SYCE2: variants seen among roughly 807,000 people sequenced by gnomAD.
The protein encoded by SYCE2 is central element synaptonemal complex 1.
Under a neutral mutation model 27.9 loss-of-function variants are expected in SYCE2, and 3 were observed. The ratio of observed to expected loss-of-function variants is 0.11; its 90% CI spans 0.05 to 0.28. The LOEUF (loss-of-function observed/expected upper bound fraction) is 0.28, where lower values mean the gene tolerates loss of function less well. Ranked by LOEUF, SYCE2 falls within the 10% of genes least tolerant of loss-of-function variation. The probability of loss-of-function intolerance (pLI) is 1.00; values close to 1 mark genes in which losing one functional copy is unlikely to be tolerated. For missense variants in SYCE2, 207 were observed against 263.5 expected (o/e 0.79, Z 1.48); for synonymous variants, 85 against 100.7 (o/e 0.84, Z 0.93).
At chr19:12,904,703 C>A in intron 2 of SYCE2, 37 bp from the exon 3 acceptor site, 1 of 1,610,702 alleles carries the variant, frequency 6.2e-7, no homozygotes, top group South Asian at 1.1e-5. Context: ...AACCTGACTT[C>A]TCAGAGTACA....
intron 2 of SYCE2, 146 bp downstream of exon 2, chr19:12,918,076 C>CAT: frequency 1.5e-6 from 1 of 651,662 alleles, no homozygotes; most frequent in Non-Finnish European, 2.7e-6. Flanking sequence ...GAGCCGTGAT[C>CAT]ATGCCACTGC....
At chr19:12,902,312 A>G (rs192706678) in intron 3 of SYCE2, among the ~76,000 whole-genome samples, 5 of 152,334 alleles carry the variant, frequency 3.3e-5, no homozygotes, top group Admixed American at 2.0e-4. Context: ...TACACAGAAT[A>G]GAAGAGGCAT....
At chr19:12,918,393 G>T in intron 1 of SYCE2, 56 bp from the exon 2 acceptor site, 3 of 1,508,364 alleles carry the variant, frequency 2.0e-6, no homozygotes, top group Non-Finnish European at 2.8e-6. Flanking sequence ...TGAACAGATC[G>T]CCCTCCTGCC....
intron 4 of SYCE2, 166 bp from the exon 5 acceptor site, chr19:12,900,286 C>A: frequency 9.4e-7 from 1 of 1,067,858 alleles, no homozygotes; most frequent in Non-Finnish European, 1.3e-6. Flanking sequence ...TCAGCTCAGA[C>A]ACACCATGTT....
In SYCE2 at chr19:12,900,168, G is replaced by A. The variant is rs762365262; in HGVS notation, c.496-48C>T. On this transcript the variant is annotated intron_variant, in intron 4 of 5. Transcript: ENST00000293695. ...AGCAGTGCCGGTCTGTGCCAGGGCT[G>A]TGGGCAGAGGGGATGATTTCTGAGT... is the stretch of plus-strand genomic sequence containing the variant. The A allele has an allele frequency of 3.8e-6, 6 of 1,564,350 alleles. No individual in the cohort carries two copies. In the South Asian group the frequency reaches 7.1e-5, roughly 18 times the overall value.
At chr19:12,911,357 A>G (rs937969526) in intron 2 of SYCE2, among the ~76,000 whole-genome samples, 1 of 152,194 alleles carries the variant, frequency 6.6e-6, no homozygotes, top group African/African-American at 2.4e-5. Context: ...GATCAAGTCT[A>G]AATTCCTTCA....
chr19:12,917,396 C>T (rs1166585226), intron 2 of SYCE2, among the ~76,000 whole-genome samples: 1 of 151,944 alleles, frequency 6.6e-6, no homozygotes, highest in Admixed American at 6.6e-5. Context: ...CGGAGTCTCA[C>T]TCTGTCACCA....
At chr19:12,902,318 G>A (rs1016231123) in intron 3 of SYCE2, among the ~76,000 whole-genome samples, 7 of 151,908 alleles carry the variant, frequency 4.6e-5, no homozygotes, top group African/African-American at 1.7e-4. Context: ...GAATAGAAGA[G>A]GCATCCAACA....
rs1257468169 is a variant in SYCE2 at position 12,918,315 on chromosome 19, C to T, written c.38G>A (p.Cys13Tyr). The T allele has an allele frequency of 1.9e-6, 3 of 1,614,026 alleles. No homozygotes were observed. The highest frequency in any genetic ancestry group is 2.5e-6 in the Non-Finnish European group (3 of 1,180,020). ...CAAGGGCTGCGGTTCCTGGTCTTTG[C>T]ATTTCACATGGGGCACGTCCACCTG... ...RQGVDVPHVK[C>Y]KDQEPQPLGE... The change falls in exon 2 of 6, where the codon TGC (cysteine) becomes TAC (tyrosine). Residue 13 changes from cysteine to tyrosine, a missense_variant. Transcript: ENST00000293695.
At chr19:12,917,955 G>A (rs1031743627) in intron 2 of SYCE2, among the ~76,000 whole-genome samples, 3 of 152,050 alleles carry the variant, frequency 2.0e-5, no homozygotes, top group African/African-American at 7.2e-5. Context: ...CACTGCACCT[G>A]GCCAATATTT....
intron 2 of SYCE2, among the ~76,000 whole-genome samples, chr19:12,915,839 C>T (rs1038445419): frequency 6.6e-6 from 1 of 152,074 alleles, no homozygotes; most frequent in African/African-American, 2.4e-5. Context: ...TTCTCTCAAC[C>T]CCTCCTTCCC....
chr19:12,913,149 T>TGG (rs1971077397), intron 2 of SYCE2, among the ~76,000 whole-genome samples: 1 of 152,196 alleles, frequency 6.6e-6, no homozygotes, highest in African/African-American at 2.4e-5. Context: ...GGCAGCGGGC[T>TGG]GGGGGCTGTG....
Position 12,919,287 on chromosome 19 carries a change from C to G in SYCE2, c.-30G>C. 6.2e-7 allele frequency: 1 copy of G among 1,608,648 alleles called. No individual in the cohort carries two copies. The highest frequency in any genetic ancestry group is 2.2e-5 in the East Asian group (1 of 44,876). On this transcript the variant is annotated 5_prime_UTR_variant, in exon 1 of 6. Transcript: ENST00000293695. ...TATTTTCCCGCCTTCAAGCTCGCAC[C>G]CTCTGCGCATGCGCCGACCCCGCCC... is the stretch of plus-strand genomic sequence containing the variant.
chr19:12,907,216 C>G (rs1970950387), intron 2 of SYCE2, among the ~76,000 whole-genome samples: 1 of 152,180 alleles, frequency 6.6e-6, no homozygotes, highest in South Asian at 2.1e-4. Context: ...ATCTGCTGTT[C>G]TCTTTACGAC....
At chr19:12,899,778 C>A (rs1970792765) in intron 5 of SYCE2, 1 of 1,600,828 alleles carries the variant, frequency 6.2e-7, no homozygotes, top group Non-Finnish European at 8.6e-7. Context: ...TGGATGAGAG[C>A]AGACTCCATT....
chr19:12,912,981 T>A (rs1394943904), intron 2 of SYCE2, among the ~76,000 whole-genome samples: 1 of 152,228 alleles, frequency 6.6e-6, no homozygotes, highest in Non-Finnish European at 1.5e-5. Context: ...TGGGCCTGCA[T>A]TCACCAATTA....
intron 3 of SYCE2, among the ~76,000 whole-genome samples, chr19:12,903,306 T>C: frequency 6.6e-6 from 1 of 151,350 alleles, no homozygotes; most frequent in Non-Finnish European, 1.5e-5. Context: ...TTAACCAGGA[T>C]GGTCTTGATC....
At chr19:12,916,366 C>G (rs189994570) in intron 2 of SYCE2, among the ~76,000 whole-genome samples, 3 of 152,230 alleles carry the variant, frequency 2.0e-5, no homozygotes, top group Non-Finnish European at 2.9e-5. Context: ...CTGCGCCCGG[C>G]CAACATGAGC....
In SYCE2 at chr19:12,899,173, G is replaced by A; in HGVS notation, c.*168C>T. 3.1e-6 allele frequency: 2 copies of A among 647,732 alleles called. No individual in the cohort carries two copies. The highest frequency in any genetic ancestry group is 3.8e-5 in the South Asian group (2 of 52,848). The allele number at this position is 647,732 out of a possible 1,614,324, so 40.1% of individuals were successfully genotyped here. A position where few individuals can be genotyped will look rare whatever the true frequency, so the allele number is the denominator to read the frequency against. Reference sequence around the variant, plus strand: ...GAAGCCTGGGCCTATGGCAGGGGCTGGACTTGCTACATTTTGGGAGTTCAG... The same window carrying A: ...GAAGCCTGGGCCTATGGCAGGGGCTAGACTTGCTACATTTTGGGAGTTCAG... On this transcript the variant is annotated 3_prime_UTR_variant, in exon 6 of 6. Transcript: ENST00000293695.
Sources: allele counts gnomAD v4.1 joint callset (sites outside exome capture counted in the v4.1 genomes callset), GRCh38; gene constraint gnomAD v4.1.1; transcripts MANE v1.5; gene names NCBI Gene and HGNC (gene_info 2026-07-23, HGNC 2026-07-21).